DUT: variants seen among roughly 807,000 people sequenced by gnomAD.
DUT encodes deoxyuridine 5'-triphosphate nucleotidohydrolase, mitochondrial.
A neutral mutation model predicts 28.8 loss-of-function variants in DUT; 21 were observed. The observed-to-expected ratio is 0.73, with a 90% CI of 0.52 to 1.05. The LOEUF (loss-of-function observed/expected upper bound fraction) is 1.05. Ranked by LOEUF, DUT falls within the 50% of genes least tolerant of loss-of-function variation. The pLI is 0.00. For missense variants in DUT, 344 were observed against 351.8 expected (o/e 0.98, Z 0.18); for synonymous variants, 147 against 143.7 (o/e 1.02, Z -0.17).
At chr15:48,333,800 G>T (rs917410659) in intron 2 of DUT, among the ~76,000 whole-genome samples, 2 of 152,160 alleles carry the variant, frequency 1.3e-5, no homozygotes, top group Admixed American at 6.5e-5. Context: ...AAACTACCAA[G>T]CCCTGCCTGA....
chr15:48,332,769 T>A (rs1392074326), intron 2 of DUT: 1 of 508,178 alleles, frequency 2.0e-6, no homozygotes, highest in Non-Finnish European at 3.8e-6. Context: ...TGAAAATACC[T>A]AAGAAGGATG....
At chr15:48,331,311 A>C, upstream of DUT, 1 of 1,442,720 alleles carries the variant, frequency 6.9e-7, no homozygotes. Flanking sequence ...AGCAAGACTC[A>C]AGACGCCAAC....
chr15:48,332,675 G>T, intron 2 of DUT: 1 of 649,594 alleles, frequency 1.5e-6, no homozygotes. Context: ...AAGATAGAGA[G>T]GAAGGCCCAT....
chr15:48,341,525 T>C lies in DUT; in HGVS notation c.642T>C (p.Gly214=), dbSNP rs572052505. The change falls in exon 6 of 7, where the codon GGT becomes GGC. Residue 214 remains glycine, a synonymous_variant. Transcript: ENST00000331200. Reference sequence around the variant, plus strand: ...ATTCTTTCTTTGAAGTCAAAAAAGGTGATCGAATTGCACAGCTCATTTGCG... The same window carrying C: ...ATTCTTTCTTTGAAGTCAAAAAAGGCGATCGAATTGCACAGCTCATTTGCG... The part of the protein sequence containing the change: ...FGKEKFEVKK[G]DRIAQLICER... 12 of 1,613,054 alleles carry C rather than the reference T, an allele frequency of 7.4e-6. No individual in the cohort carries two copies. The South Asian group carries it at 1.3e-4, about 18-fold the overall frequency.
chr15:48,341,891 G>T, intron 6 of DUT, 131 bp from the exon 7 acceptor site: 2 of 728,172 alleles, frequency 2.7e-6, no homozygotes, highest in Non-Finnish European at 4.6e-6. Context: ...TTTTCTTTCT[G>T]TAATCTCCCT....
Position 48,334,513 on chromosome 15 carries a change from G to C in DUT, c.511+5G>C. ...CTGGGTGTTATGGAAGAGTGGGTAAGTCATTTAAGAAACAGGTAACTATTT... is the reference window on the plus strand; with the variant it reads ...CTGGGTGTTATGGAAGAGTGGGTAACTCATTTAAGAAACAGGTAACTATTT... On this transcript the variant is annotated splice_donor_5th_base_variant and intron_variant, in intron 3 of 6. Transcript: ENST00000331200. The C allele has an allele frequency of 6.3e-7, 1 of 1,595,450 alleles. No individual in the cohort carries two copies. Among genetic ancestry groups the C allele is most frequent in the South Asian group, 1.1e-5 (1 of 88,744 alleles).
In DUT at chr15:48,331,658, C is replaced by T. The variant is rs1277736588; in HGVS notation, c.143C>T (p.Ala48Val). 7.8e-6 allele frequency: 12 copies of T among 1,537,006 alleles called. No individual in the cohort carries two copies. The highest frequency in any genetic ancestry group is 9.6e-6 in the Non-Finnish European group (11 of 1,141,582). ...GGGCCAGGCCCGCCCCTCGGCCGCG[C>T]CGCGCAGCACGGGATTCCCCGGCCG... Reference protein sequence around the residue: ...LSGPGPPLGRAAQHGIPRPLS... With the variant: ...LSGPGPPLGRVAQHGIPRPLS... The change falls in exon 1 of 7, where the codon GCC becomes GTC. Residue 48 changes from alanine (A) to valine (V), a missense_variant. Transcript: ENST00000331200.
At chr15:48,338,542 A>T (rs2042498540) in intron 4 of DUT, among the ~76,000 whole-genome samples, 1 of 152,224 alleles carries the variant, frequency 6.6e-6, no homozygotes, top group African/African-American at 2.4e-5. Flanking sequence ...GGAGGAAAAA[A>T]ATCCAGCCTC....
chr15:48,334,067 G>C (rs535903994), intron 2 of DUT, among the ~76,000 whole-genome samples: 13 of 151,982 alleles, frequency 8.6e-5, no homozygotes, highest in African/African-American at 2.9e-4. Flanking sequence ...TCCACCTTTT[G>C]AAAGTTTGCC....
At chr15:48,341,193 A>C in intron 4 of DUT, 96 bp from the exon 5 acceptor site, 1 of 727,690 alleles carries the variant, frequency 1.4e-6, no homozygotes, top group Non-Finnish European at 2.2e-6. Context: ...TAAGAATACA[A>C]ATCTCAGAGC....
Position 48,342,260 on chromosome 15 carries a change from AAG to A in DUT, c.*184_*185del, listed in dbSNP as rs2141170437. 2.7e-6 allele frequency: 1 copy of A among 373,930 alleles called. No individual in the cohort carries two copies. Among genetic ancestry groups the A allele is most frequent in the South Asian group, 9.6e-5 (1 of 10,406 alleles). The allele number at this position is 373,930 out of a possible 1,614,324, so 23.2% of individuals were successfully genotyped here. On this transcript the variant is annotated 3_prime_UTR_variant, in exon 7 of 7. Coordinates refer to ENST00000331200, the MANE Select transcript of DUT (RefSeq NM_001025248.2). ...GAAAAGATCATTAAAAAAAAACACA[AAG>A]AAGTTTTTCTTTGTGTTTGGATCAA...
chr15:48,339,152 C>CCATAT (rs1358564121), intron 4 of DUT, among the ~76,000 whole-genome samples: 9 of 151,916 alleles, frequency 5.9e-5, no homozygotes, highest in African/African-American at 2.2e-4. Flanking sequence ...ACCCATATTT[C>CCATAT]CATATCTTGT....
chr15:48,337,536 T>C (rs140027820), intron 4 of DUT, among the ~76,000 whole-genome samples: 1 of 152,336 alleles, frequency 6.6e-6, no homozygotes, highest in African/African-American at 2.4e-5. Flanking sequence ...AATATAGTAC[T>C]TGGCACATAT....
chr15:48,335,541 T>C (rs1157548683), intron 3 of DUT, among the ~76,000 whole-genome samples: 3 of 152,216 alleles, frequency 2.0e-5, no homozygotes, highest in Non-Finnish European at 4.4e-5. Flanking sequence ...TATGGTCTGC[T>C]ACTATTTGGT....
At chr15:48,332,662 T>C (rs1203060877) in intron 2 of DUT, 4 of 659,826 alleles carry the variant, frequency 6.1e-6, no homozygotes, top group Non-Finnish European at 1.1e-5. Flanking sequence ...CCTTCCTAAA[T>C]AGAAGATAGA....
intron 4 of DUT, among the ~76,000 whole-genome samples, chr15:48,339,108 C>A (rs1219691346): frequency 1.3e-5 from 2 of 151,708 alleles, no homozygotes; most frequent in Non-Finnish European, 2.9e-5. Context: ...AAGAGTGAGA[C>A]CCTGCCAAAA....
At chr15:48,335,601 T>C (rs547658798) in intron 3 of DUT, among the ~76,000 whole-genome samples, 1 of 152,298 alleles carries the variant, frequency 6.6e-6, no homozygotes, top group East Asian at 1.9e-4. Context: ...CCATCTGCAT[T>C]GTACATGTTG....
chr15:48,332,717 G>A, intron 2 of DUT: 2 of 578,988 alleles, frequency 3.5e-6, no homozygotes, highest in Non-Finnish European at 6.5e-6. Context: ...GGGTGATGCT[G>A]TGCTCAATAG....
In DUT at chr15:48,336,010, C is replaced by G. The variant is rs2042471353; in HGVS notation, c.512-36C>G. The G allele has an allele frequency of 1.9e-6, 3 of 1,590,388 alleles. No individual in the cohort carries two copies. The African/African-American group carries it at 4.1e-5, about 22-fold the overall frequency. Reference sequence around the variant, plus strand: ...GTTATCTCTGATATAGCCCTTCCCCCTTAAAATAACCAATGTCTCCTTTTT... The same window carrying G: ...GTTATCTCTGATATAGCCCTTCCCCGTTAAAATAACCAATGTCTCCTTTTT... On this transcript the variant is annotated intron_variant, in intron 3 of 6. Transcript: ENST00000331200.
Sources: allele counts gnomAD v4.1 joint callset (sites outside exome capture counted in the v4.1 genomes callset), GRCh38; gene constraint gnomAD v4.1.1; transcripts MANE v1.5; gene names NCBI Gene and HGNC (gene_info 2026-07-23, HGNC 2026-07-21).